The following PCDH15 variants were observed in gnomAD, a reference collection of about 807,000 sequenced individuals.
PCDH15 encodes the protein protocadherin related 15.
In PCDH15, 129 loss-of-function variants were observed where a neutral mutation model predicts 178.5. The observed-to-expected ratio is 0.72, with a 90% confidence interval of 0.63 to 0.84. PCDH15 has a LOEUF of 0.84. Among genes scored for constraint, PCDH15 ranks in the 40% least tolerant of loss-of-function variants. PCDH15 has a pLI of 0.00. For synonymous variants in PCDH15, 800 were observed against 732.0 expected, an observed-to-expected ratio of 1.09 and a Z score of -1.50; for missense variants, 2,230 against 2,099.9, an observed-to-expected ratio of 1.06 and a Z score of -1.21.
rs542912627 is a variant in PCDH15, at chr10:54,733,197, A to G, written c.-29+67728T>C. Among the ~76,000 whole-genome samples the G allele has an allele frequency of 3.3e-5, 5 of 151,770 alleles. No individual in the cohort carries two copies. The East Asian group carries it at 9.7e-4, about 29-fold the overall frequency. On this transcript the variant is annotated intron_variant, in intron 1 of 37. Transcript: ENST00000644397. ...TTGGAAAGAAAGCTCTCTCTATTAA[A>G]AAGAGAACATGATTATCTATGTAGA...
At chr10:54,289,428 G>A (rs1034553800) in intron 8 of PCDH15, among the ~76,000 whole-genome samples, 10 of 152,164 alleles carry the variant, frequency 6.6e-5, no homozygotes, top group South Asian at 2.1e-4. Flanking sequence ...ATAAAACCAC[G>A]AAGATGGGGA....
intron 27 of PCDH15, among the ~76,000 whole-genome samples, chr10:53,862,184 T>G (rs2079149051): frequency 6.6e-6 from 1 of 152,042 alleles, no homozygotes; most frequent in Non-Finnish European, 1.5e-5. Context: ...CCCGAGTATC[T>G]GGGATTACAG....
intron 2 of PCDH15, among the ~76,000 whole-genome samples, chr10:55,405,283 G>GATAGATATAT (rs1554863154): frequency 1.9e-5 from 2 of 108,086 alleles, no homozygotes; most frequent in African/African-American, 7.0e-5. Context: ...TGAGGTAACA[G>GATAGATATAT]ATATATATAT....
At chr10:55,018,516 AT>A (rs1840241203) in intron 2 of PCDH15, among the ~76,000 whole-genome samples, 1 of 151,976 alleles carries the variant, frequency 6.6e-6, no homozygotes, top group Admixed American at 6.6e-5. Flanking sequence ...GTTTTCAAGT[AT>A]TTTCAATCTG....
intron 2 of PCDH15, among the ~76,000 whole-genome samples, chr10:55,341,221 G>A (rs1170370677): frequency 1.3e-5 from 2 of 151,552 alleles, no homozygotes; most frequent in African/African-American, 2.4e-5. Flanking sequence ...AATTCCCTAC[G>A]GTACCTATCA....
At position 53,806,325 on chromosome 10, in the gene PCDH15, C is replaced by CCAA. The variant is rs747806858; in HGVS notation, c.*251_*253dup. 4 of 351,276 alleles carry CCAA rather than the reference C, an allele frequency of 1.1e-5. No individual in the cohort carries two copies. The highest frequency in any genetic ancestry group is 2.0e-5 in the Non-Finnish European group (4 of 196,358). 21.8% of individuals were successfully genotyped at this position (351,276 alleles called of 1,614,324 possible). ...ATTAAAATGAACAAAAATTCAAGAC[C>CCAA]CAACAAAACAGCTAAATGTTTAAAC... On this transcript the variant is annotated 3_prime_UTR_variant, in exon 38 of 38. Coordinates refer to ENST00000644397, the MANE Select transcript of PCDH15 (RefSeq NM_001384140.1).
chr10:54,697,706 A>AGGAAGGGG (rs2095254709), intron 1 of PCDH15, among the ~76,000 whole-genome samples: 1 of 117,914 alleles, frequency 8.5e-6, no homozygotes, highest in Non-Finnish European at 1.8e-5. Flanking sequence ...GGAGGAAGGG[A>AGGAAGGGG]GGGAGGAAGG....
At chr10:55,215,467 C>A (rs1204302610) in intron 1 of PCDH15, among the ~76,000 whole-genome samples, 1 of 151,990 alleles carries the variant, frequency 6.6e-6, no homozygotes, top group Non-Finnish European at 1.5e-5. Flanking sequence ...ATTTTACAAT[C>A]CCTTATTGTG....
intron 2 of PCDH15, among the ~76,000 whole-genome samples, chr10:54,652,559 G>A (rs2094286652): frequency 6.6e-6 from 1 of 152,156 alleles, no homozygotes; most frequent in South Asian, 2.1e-4. Context: ...AACTCAGAAT[G>A]TAACTATATT....
chr10:54,260,564 T>C (rs918561088), intron 8 of PCDH15, among the ~76,000 whole-genome samples: 2 of 152,094 alleles, frequency 1.3e-5, no homozygotes, highest in African/African-American at 2.4e-5. Flanking sequence ...CATCTCTGTG[T>C]TGATTTTTAT....
chr10:54,235,001 C>T (rs548173237), intron 9 of PCDH15, among the ~76,000 whole-genome samples: 1 of 152,228 alleles, frequency 6.6e-6, no homozygotes, highest in East Asian at 1.9e-4. Context: ...ACTTCCGGCC[C>T]CCTTGTTGTT....
intron 21 of PCDH15, among the ~76,000 whole-genome samples, chr10:53,969,616 T>G (rs1335416441): frequency 6.6e-6 from 1 of 152,158 alleles, no homozygotes; most frequent in African/African-American, 2.4e-5. Flanking sequence ...GAGAAAGGTC[T>G]GGTTACCCAC....
chr10:55,452,581 A>G (rs1484559410), intron 2 of PCDH15, among the ~76,000 whole-genome samples: 8 of 152,168 alleles, frequency 5.3e-5, no homozygotes, highest in Admixed American at 6.5e-5. Flanking sequence ...TTTTCTTATC[A>G]ATATATTTTG....
intron 1 of PCDH15, among the ~76,000 whole-genome samples, chr10:54,781,762 C>A (rs1950384826): frequency 6.6e-6 from 1 of 152,156 alleles, no homozygotes; most frequent in Non-Finnish European, 1.5e-5. Flanking sequence ...AACATCTTTA[C>A]AATTTGCTTC....
Position 54,681,715 on chromosome 10 carries a change from G to A in PCDH15, c.-28-17425C>T, listed in dbSNP as rs143707908. On this transcript the variant is annotated intron_variant, in intron 1 of 37. Transcript: ENST00000644397. ...TAGTGTTTTTTTTTACTGTGCAAGT[G>A]AGCAACCAAATGCGGAGATAGGAAG... is the stretch of plus-strand genomic sequence containing the variant. Among the ~76,000 whole-genome samples, 171 of 152,232 alleles carry A rather than the reference G, an allele frequency of 1.1e-3. 1 individual carries two copies. The highest frequency in any genetic ancestry group is 2.2e-3 in the Non-Finnish European group (150 of 67,988).
intron 1 of PCDH15, among the ~76,000 whole-genome samples, chr10:55,184,298 G>A (rs1410452477): frequency 3.9e-5 from 6 of 151,944 alleles, no homozygotes; most frequent in South Asian, 2.1e-4. Flanking sequence ...GGACTCATCC[G>A]TACTGCCATA....
chr10:55,246,095 T>A (rs1451218457), intron 1 of PCDH15, among the ~76,000 whole-genome samples: 2 of 152,204 alleles, frequency 1.3e-5, no homozygotes, highest in African/African-American at 2.4e-5. Context: ...AGGTCTTTTA[T>A]CACTATTTTG....
At chr10:54,810,744 G>GA (rs943596073) in intron 3 of PCDH15, among the ~76,000 whole-genome samples, 8 of 151,292 alleles carry the variant, frequency 5.3e-5, no homozygotes, top group Non-Finnish European at 1.5e-5. Flanking sequence ...TCTCCTGATA[G>GA]AAAAAAAATA....
chr10:54,730,939 C>G (rs902647658), intron 1 of PCDH15, among the ~76,000 whole-genome samples: 1 of 151,168 alleles, frequency 6.6e-6, no homozygotes, highest in Admixed American at 6.6e-5. Context: ...AAACCTTCTG[C>G]ACAGAAAAGA....
Sources: gnomAD v4.1 joint callset for allele counts (sites outside exome capture counted in the v4.1 genomes callset) on GRCh38, gnomAD v4.1.1 for gene constraint, MANE v1.5 for transcripts, NCBI Gene and HGNC (gene_info 2026-07-23, HGNC 2026-07-21) for gene names.